The following PYHIN1 variants were observed in gnomAD, a reference collection of about 807,000 sequenced individuals.
PYHIN1 encodes the protein pyrin and HIN domain family member 1.
In PYHIN1, 32 loss-of-function variants were observed where a neutral mutation model predicts 43.7. The ratio of observed to expected loss-of-function variants is 0.73; its 90% confidence interval spans 0.55 to 0.98. The LOEUF (loss-of-function observed/expected upper bound fraction) is 0.98, where lower values mean the gene tolerates loss of function less well. Among genes scored for constraint, PYHIN1 ranks in the 50% least tolerant of loss-of-function variants. PYHIN1 has a pLI of 0.00. For missense variants in PYHIN1, 588 were observed against 589.5 expected (o/e 1.00, Z 0.03); for synonymous variants, 205 against 203.1 (o/e 1.01, Z -0.08).
intron 2 of PYHIN1, among the ~76,000 whole-genome samples, chr1:158,937,452 C>T (rs1648627298): frequency 2.6e-5 from 4 of 152,128 alleles, no homozygotes. Context: ...CGAAAGATTA[C>T]ATAATGACAA....
intron 7 of PYHIN1, among the ~76,000 whole-genome samples, chr1:158,973,158 A>G (rs1241918144): frequency 6.6e-6 from 1 of 152,094 alleles, no homozygotes; most frequent in Non-Finnish European, 1.5e-5. Flanking sequence ...GACCCAGCCT[A>G]CAGCCTCAGT....
At chr1:158,938,217 GT>G (rs1648680643) in intron 2 of PYHIN1, among the ~76,000 whole-genome samples, 179 bp from the exon 3 acceptor site, 1 of 152,210 alleles carries the variant, frequency 6.6e-6, no homozygotes, top group East Asian at 1.9e-4. Flanking sequence ...GTGAGTCAGT[GT>G]TTGTGCCTTT....
At chr1:158,953,106 C>A (rs1007389582) in intron 7 of PYHIN1, among the ~76,000 whole-genome samples, 3 of 152,330 alleles carry the variant, frequency 2.0e-5, no homozygotes, top group African/African-American at 7.2e-5. Context: ...GGTCCTACGC[C>A]CACGGGTCTC....
At position 158,933,828 on chromosome 1, in the gene PYHIN1, T is replaced by C. The variant is rs963056929; in HGVS notation, c.-21+2052T>C. On this transcript the variant is annotated intron_variant, in intron 1 of 8. Transcript: ENST00000368140. This position sits in a 1 kb window ranked among gnomAD's most constrained non-coding sequence, Gnocchi z 6.3. The stretch of plus-strand genomic sequence containing the variant: ...CTTTTCTTTGATCAGGGCTTTCTTT[T>C]TAAGTCATAGGCACACATAATCAAG... Among the ~76,000 whole-genome samples, 1 of 152,262 alleles carries C rather than the reference T, an allele frequency of 6.6e-6. No individual in the cohort carries two copies. Among genetic ancestry groups the C allele is most frequent in the South Asian group, 2.1e-4 (1 of 4,826 alleles).
chr1:158,952,726 T>C (rs1315757382), intron 7 of PYHIN1, among the ~76,000 whole-genome samples: 1 of 152,054 alleles, frequency 6.6e-6, no homozygotes, highest in East Asian at 1.9e-4. Context: ...ATAATGTTGT[T>C]TAAGATTTCT....
At chr1:158,936,626 G>GT (rs1557821829) in intron 1 of PYHIN1, among the ~76,000 whole-genome samples, 2 of 151,988 alleles carry the variant, frequency 1.3e-5, no homozygotes, top group South Asian at 2.1e-4. Flanking sequence ...TGCAGAAAAG[G>GT]CCTTTGACAA....
downstream of PYHIN1, among the ~76,000 whole-genome samples, chr1:158,979,286 C>T (rs139532274): frequency 9.1e-3 from 1,383 of 152,236 alleles, 6 homozygotes; most frequent in Non-Finnish European, 0.015. Flanking sequence ...GTATACCCAT[C>T]GAATAGCAGC....
intron 2 of PYHIN1, among the ~76,000 whole-genome samples, chr1:158,937,952 A>G (rs1381274645): frequency 6.6e-6 from 1 of 152,014 alleles, no homozygotes; most frequent in East Asian, 1.9e-4. Context: ...CTCAAAAAAA[A>G]AAAAAAAGAA....
At chr1:158,978,085 T>C (rs1275254071), downstream of PYHIN1, among the ~76,000 whole-genome samples, 2 of 152,154 alleles carry the variant, frequency 1.3e-5, no homozygotes, top group African/African-American at 4.8e-5. Flanking sequence ...GCCTTTATGG[T>C]TTGGACCAAC....
intron 7 of PYHIN1, among the ~76,000 whole-genome samples, chr1:158,951,880 C>T (rs111714682): frequency 6.6e-6 from 1 of 152,074 alleles, no homozygotes; most frequent in Non-Finnish European, 1.5e-5. Flanking sequence ...GAGAGAGTCA[C>T]GTTAGGGGTA....
intron 6 of PYHIN1, 116 bp downstream of exon 6, chr1:158,944,094 AC>A (rs1649083317): frequency 5.9e-6 from 4 of 674,056 alleles, no homozygotes; most frequent in Non-Finnish European, 9.4e-6. Flanking sequence ...TTCATGAGAA[AC>A]CAAATAATGC....
intron 1 of PYHIN1, among the ~76,000 whole-genome samples, chr1:158,934,846 C>A (rs1472459152): frequency 2.0e-5 from 3 of 152,186 alleles, no homozygotes; most frequent in Non-Finnish European, 4.4e-5. Context: ...CCTCAGCCTC[C>A]TGAGTAGCTT....
chr1:158,934,720 T>G (rs1648408540), intron 1 of PYHIN1, among the ~76,000 whole-genome samples: 1 of 152,138 alleles, frequency 6.6e-6, no homozygotes. Flanking sequence ...AAAATATTTG[T>G]TTTTGTATTT....
In PYHIN1 at chr1:158,949,463, T is replaced by C. The variant is rs553252111; in HGVS notation, c.1359+4421T>C. On this transcript the variant is annotated intron_variant, in intron 7 of 8. Transcript: ENST00000368140. ...TAGTTACATATGTATACATGCGCCA[T>C]GCTGGTGCGCTGTACCCACTAACTC... is the stretch of plus-strand genomic sequence containing the variant. 8.5e-3 allele frequency among the ~76,000 whole-genome samples: 1,293 copies of C among 152,184 alleles called. 14 individuals carry two copies. Among genetic ancestry groups the C allele is most frequent in the Non-Finnish European group, 0.014 (937 of 68,008 alleles).
At chr1:158,970,885 T>C (rs1650896068) in intron 7 of PYHIN1, among the ~76,000 whole-genome samples, 1 of 152,044 alleles carries the variant, frequency 6.6e-6, no homozygotes, top group South Asian at 2.1e-4. Flanking sequence ...TCATTTCACA[T>C]ATGAGAATCA....
In PYHIN1 at chr1:158,939,195, C is replaced by G. The variant is rs201205566; in HGVS notation, c.527C>G (p.Ser176Cys). ...AGCACGTCCACAGCCATGGGCCGTT[C>G]CCCACCTCCCCAGACCTCATCATCA... ...GASTSTAMGRSPPPQTSSSAP... is the reference protein window; with the variant it reads ...GASTSTAMGRCPPPQTSSSAP... Residue 176 changes from serine to cysteine, a missense_variant, in exon 4 of 9, where the codon TCC (serine) becomes TGC (cysteine). Coordinates refer to ENST00000368140, the MANE Select transcript of PYHIN1 (RefSeq NM_152501.5). 47 of 1,613,392 alleles carry G rather than the reference C, an allele frequency of 2.9e-5. No individual in the cohort carries two copies. In the African/African-American group the frequency reaches 5.6e-4, roughly 19 times the overall value.
At chr1:158,988,359 A>G in the PYHIN1 span, among the ~76,000 whole-genome samples, 1 of 152,196 alleles carries the variant, frequency 6.6e-6, no homozygotes, top group Non-Finnish European at 1.5e-5. Flanking sequence ...TATAAAAACT[A>G]TAGGTTGCCT....
chr1:158,938,610 A>G (rs1361901929), intron 3 of PYHIN1, 68 bp downstream of exon 3: 12 of 1,530,326 alleles, frequency 7.8e-6, no homozygotes, highest in Non-Finnish European at 8.0e-6. Context: ...TGTTCCACTC[A>G]ATCTGTCCAG....
chr1:158,964,858 C>A (rs1362972992), intron 7 of PYHIN1, among the ~76,000 whole-genome samples: 3 of 152,086 alleles, frequency 2.0e-5, no homozygotes, highest in Non-Finnish European at 4.4e-5. Flanking sequence ...GCTAACAACA[C>A]AATGACAGGA....
Sources: allele counts gnomAD v4.1 joint callset (sites outside exome capture counted in the v4.1 genomes callset), GRCh38; gene constraint gnomAD v4.1.1; non-coding constraint Gnocchi (gnomAD v3.1); transcripts MANE v1.5; gene names NCBI Gene and HGNC (gene_info 2026-07-23, HGNC 2026-07-21).